The following FYB1 variants were observed in gnomAD, a reference collection of about 807,000 sequenced individuals.
FYB1 encodes FYN binding protein 1, also known as FYN-binding protein 1.
Under a neutral mutation model 94.1 loss-of-function variants are expected in FYB1, and 41 were observed. The observed-to-expected ratio is 0.44, with a 90% CI of 0.34 to 0.57. The LOEUF is 0.57. Among genes scored for constraint, FYB1 ranks in the 20% least tolerant of loss-of-function variants. The pLI, the probability that FYB1 is intolerant of heterozygous loss-of-function variation, is 0.02. For synonymous variants in FYB1, 367 were observed against 353.2 expected (o/e 1.04, Z -0.44); for missense variants, 1,050 against 976.8 (o/e 1.07, Z -1.00).
rs1334850792 is a variant in FYB1, at chr5:39,122,389, T to G, written c.2085A>C (p.Glu695Asp). The change falls in exon 14 of 19, where the codon GAA becomes GAC. Residue 695 changes from glutamate (E) to aspartate (D), a missense_variant. Coordinates refer to ENST00000512982, the MANE Select transcript of FYB1 (RefSeq NM_001465.6). ...APPKQLDMGD[E>D]VYDDVDTSDF... ...CAGAGGTATCCACATCATCGTAAAC[T>G]TCATCTCCCATGTCTAACAAAAGAC... 1 of 1,576,046 alleles carries G rather than the reference T, an allele frequency of 6.3e-7. No individual in the cohort carries two copies. The highest frequency in any genetic ancestry group is 2.3e-5 in the East Asian group (1 of 43,974).
At chr5:39,175,194 A>T (rs1257989097) in intron 2 of FYB1, among the ~76,000 whole-genome samples, 1 of 152,216 alleles carries the variant, frequency 6.6e-6, no homozygotes, top group East Asian at 1.9e-4. Context: ...AGCCAGGCAG[A>T]CACTACATTG....
chr5:39,131,777 T>C (rs1310273961), intron 9 of FYB1, among the ~76,000 whole-genome samples: 1 of 152,216 alleles, frequency 6.6e-6, no homozygotes, highest in Non-Finnish European at 1.5e-5. Context: ...CTGCCACTCT[T>C]GGCAGATACT....
At chr5:39,273,151 G>T (rs549310816) in intron 1 of FYB1, among the ~76,000 whole-genome samples, 1 of 152,260 alleles carries the variant, frequency 6.6e-6, no homozygotes, top group South Asian at 2.1e-4. Context: ...GTACCCAACA[G>T]CTCATTGAGA....
intron 11 of FYB1, among the ~76,000 whole-genome samples, chr5:39,126,580 C>T (rs924216856): frequency 4.0e-5 from 6 of 151,070 alleles, no homozygotes; most frequent in Non-Finnish European, 1.5e-5. Context: ...ACCTGTGGTC[C>T]CAGCTGCTCA....
intron 3 of FYB1, among the ~76,000 whole-genome samples, chr5:39,142,005 C>A (rs1220447326): frequency 6.6e-6 from 1 of 152,124 alleles, no homozygotes; most frequent in South Asian, 2.1e-4. Context: ...CTCCAACTGC[C>A]CTTAATAGCA....
intron 2 of FYB1, among the ~76,000 whole-genome samples, chr5:39,195,026 G>A (rs1288514154): frequency 6.6e-6 from 1 of 152,138 alleles, no homozygotes; most frequent in Non-Finnish European, 1.5e-5. Context: ...GCTGTTACCC[G>A]AAGCTGAACC....
chr5:39,137,472 T>C, intron 7 of FYB1, 128 bp downstream of exon 7: 2 of 1,095,866 alleles, frequency 1.8e-6, no homozygotes, highest in Non-Finnish European at 2.5e-6. Flanking sequence ...GTTATGAAGA[T>C]AATTACTCTT....
chr5:39,176,937 G>GCCCC (rs1345566232), intron 2 of FYB1, among the ~76,000 whole-genome samples: 3 of 152,146 alleles, frequency 2.0e-5, no homozygotes, highest in Admixed American at 6.5e-5. Context: ...AAGGAAAGAG[G>GCCCC]CCAGCCTAAT....
chr5:39,166,991 A>G (rs1369225108), intron 2 of FYB1, among the ~76,000 whole-genome samples: 1 of 152,204 alleles, frequency 6.6e-6, no homozygotes. Flanking sequence ...CTGAGTCAAA[A>G]TATAGCACAT....
At chr5:39,142,291 A>G (rs528810126) in intron 3 of FYB1, among the ~76,000 whole-genome samples, 91 of 151,386 alleles carry the variant, frequency 6.0e-4, no homozygotes, top group African/African-American at 2.2e-3. Flanking sequence ...ATTCCTCTCC[A>G]CTCCCCTATA....
At chr5:39,249,258 T>A (rs1434421315) in intron 1 of FYB1, among the ~76,000 whole-genome samples, 1 of 152,220 alleles carries the variant, frequency 6.6e-6, no homozygotes, top group Non-Finnish European at 1.5e-5. Flanking sequence ...TCTGACTTTA[T>A]CCACTAGGCC....
Position 39,106,994 on chromosome 5 carries a change from G to A in FYB1, c.*449C>T, listed in dbSNP as rs537415464. 1 of 152,328 alleles carries A rather than the reference G, an allele frequency of 6.6e-6. No individual in the cohort carries two copies. Among genetic ancestry groups the A allele is most frequent in the South Asian group, 2.1e-4 (1 of 4,836 alleles). The allele number at this position is 152,328 out of a possible 1,614,324, so 9.4% of individuals were successfully genotyped here. ...TAGAGAATATAAGATATAACCATAA[G>A]TAGAAGTATAAACAATAATTTTTCT... On this transcript the variant is annotated 3_prime_UTR_variant, in exon 19 of 19. Coordinates refer to ENST00000512982, the MANE Select transcript of FYB1 (RefSeq NM_001465.6).
chr5:39,123,994 T>C lies in FYB1; in HGVS notation c.2071+259A>G, dbSNP rs141240715. On this transcript the variant is annotated intron_variant, in intron 13 of 18. Transcript: ENST00000512982. ...GGGATATAGGGAAAATTGGTGCTTATCCCTTCCCACTTATCCCTAACCCAA... is the reference window on the plus strand; with the variant it reads ...GGGATATAGGGAAAATTGGTGCTTACCCCTTCCCACTTATCCCTAACCCAA... Among the ~76,000 whole-genome samples, 30 of 152,250 alleles carry C rather than the reference T, an allele frequency of 2.0e-4. No homozygotes were observed. In the East Asian group the frequency reaches 5.6e-3, roughly 28 times the overall value.
At chr5:39,248,594 T>A (rs938656027) in intron 1 of FYB1, among the ~76,000 whole-genome samples, 4 of 152,186 alleles carry the variant, frequency 2.6e-5, no homozygotes, top group African/African-American at 7.2e-5. Context: ...ATCCCAGCAC[T>A]TTGGGCGGCT....
rs1760396474 is a variant in FYB1 at position 39,106,696 on chromosome 5, A to C, written c.*747T>G. 1 of 152,112 alleles carries C rather than the reference A, an allele frequency of 6.6e-6. No individual in the cohort carries two copies. The highest frequency in any genetic ancestry group is 1.5e-5 in the Non-Finnish European group (1 of 67,956). 9.4% of individuals were successfully genotyped at this position (152,112 alleles called of 1,614,324 possible). A position where few individuals can be genotyped will look rare whatever the true frequency, so the allele number is the denominator to read the frequency against. On this transcript the variant is annotated 3_prime_UTR_variant, in exon 19 of 19. Transcript: ENST00000512982. The stretch of plus-strand genomic sequence containing the variant: ...GGTTATCCTCATTCAGATCTACTCT[A>C]GTTATAATAGTACTTTAAACAGAGC...
intron 1 of FYB1, among the ~76,000 whole-genome samples, chr5:39,214,098 A>G (rs1019187487): frequency 2.6e-5 from 4 of 152,242 alleles, no homozygotes; most frequent in African/African-American, 9.6e-5. Context: ...CTACATACTA[A>G]ATGGTTTTCA....
At chr5:39,268,186 G>A (rs1752512316) in intron 1 of FYB1, among the ~76,000 whole-genome samples, 1 of 151,718 alleles carries the variant, frequency 6.6e-6, no homozygotes, top group Admixed American at 6.6e-5. Flanking sequence ...TTAGTTGACA[G>A]AATTATAGAA....
intron 2 of FYB1, among the ~76,000 whole-genome samples, chr5:39,198,520 G>A (rs1340388463): frequency 6.6e-6 from 1 of 152,122 alleles, no homozygotes; most frequent in African/African-American, 2.4e-5. Flanking sequence ...ATACACAGAT[G>A]GTGCCCTATT....
intron 2 of FYB1, among the ~76,000 whole-genome samples, chr5:39,197,972 C>T (rs956628254): frequency 6.6e-6 from 1 of 152,120 alleles, no homozygotes; most frequent in South Asian, 2.1e-4. Flanking sequence ...TTTCATGATT[C>T]CTAGAATAAT....
Sources: allele counts gnomAD v4.1 joint callset (sites outside exome capture counted in the v4.1 genomes callset), GRCh38; gene constraint gnomAD v4.1.1; transcripts MANE v1.5; gene names NCBI Gene and HGNC (gene_info 2026-07-23, HGNC 2026-07-21).